Variants in MDGA2 observed in about 807,000 individuals in gnomAD.
MDGA2 encodes MAM domain containing glycosylphosphatidylinositol anchor 2.
A neutral mutation model predicts 117.8 loss-of-function variants in MDGA2; 40 were observed. That is an observed-to-expected ratio of 0.34 (90% CI 0.26 to 0.44). MDGA2 has a LOEUF of 0.44. Among genes scored for constraint, MDGA2 ranks in the 20% least tolerant of loss-of-function variants. The probability of loss-of-function intolerance (pLI) is 1.00; values close to 1 mark genes in which losing one functional copy is unlikely to be tolerated. For missense variants in MDGA2, 1,123 were observed against 1,250.6 expected, an observed-to-expected ratio of 0.90 and a Z score of 1.54; for synonymous variants, 452 against 439.0, an observed-to-expected ratio of 1.03 and a Z score of -0.37.
intron 9 of MDGA2, among the ~76,000 whole-genome samples, chr14:46,921,653 C>T (rs184233176): frequency 6.6e-6 from 1 of 151,416 alleles, no homozygotes; most frequent in Non-Finnish European, 1.5e-5. Context: ...AGAAAAGTCT[C>T]AAATGAGAGG....
rs534555143 is a variant in MDGA2 at position 47,413,782 on chromosome 14, T to C, written c.281-112232A>G. Among the ~76,000 whole-genome samples, 74 of 151,830 alleles carry C rather than the reference T, an allele frequency of 4.9e-4. No homozygotes were observed. The South Asian group carries it at 0.014, about 29-fold the overall frequency. On this transcript the variant is annotated intron_variant, in intron 1 of 16. Coordinates refer to ENST00000399232, the MANE Select transcript of MDGA2 (RefSeq NM_001113498.3). ...ACCAAGTGACATGTTCTATATACAA[T>C]GAAACATAAATTACAAAAGGACGTT...
At chr14:47,474,317 C>T (rs529787440) in intron 1 of MDGA2, among the ~76,000 whole-genome samples, 2 of 152,156 alleles carry the variant, frequency 1.3e-5, no homozygotes, top group African/African-American at 4.8e-5. Context: ...AACCACTTCT[C>T]AAGGAAATCA....
intron 8 of MDGA2, among the ~76,000 whole-genome samples, chr14:47,025,850 A>G (rs1382777045): frequency 2.0e-5 from 3 of 152,158 alleles, no homozygotes; most frequent in African/African-American, 7.2e-5. Context: ...TTCAATTAAA[A>G]CATGTTTTTA....
intron 1 of MDGA2, among the ~76,000 whole-genome samples, chr14:47,381,978 T>TAGCCAAAAC (rs1555377846): frequency 1.3e-5 from 2 of 150,242 alleles, no homozygotes; most frequent in African/African-American, 4.9e-5. Flanking sequence ...AAGGCTACAG[T>TAGCCAAAAC]AGCATGGTAC....
intron 1 of MDGA2, among the ~76,000 whole-genome samples, chr14:47,540,540 GTA>G (rs1555330658): frequency 1.4e-3 from 109 of 79,134 alleles, no homozygotes; most frequent in African/African-American, 2.4e-3. Context: ...GTGTGTGTGT[GTA>G]TATATATATA....
At chr14:47,578,223 G>A (rs1896152151) in intron 1 of MDGA2, among the ~76,000 whole-genome samples, 1 of 151,932 alleles carries the variant, frequency 6.6e-6, no homozygotes, top group Non-Finnish European at 1.5e-5. Context: ...TGGACACAGA[G>A]AGGGGAACAA....
chr14:46,925,100 TTA>T (rs1391685222), intron 9 of MDGA2, among the ~76,000 whole-genome samples: 1 of 152,182 alleles, frequency 6.6e-6, no homozygotes. Flanking sequence ...ACAAAAATAT[TTA>T]TGTTACCATA....
intron 6 of MDGA2, among the ~76,000 whole-genome samples, chr14:47,082,687 A>G (rs1031385044): frequency 4.6e-5 from 7 of 152,066 alleles, no homozygotes; most frequent in African/African-American, 1.7e-4. Flanking sequence ...GGCAGTCAGT[A>G]AAAAATAAGA....
chr14:46,931,304 C>A (rs1451378651), intron 9 of MDGA2, among the ~76,000 whole-genome samples: 1 of 150,134 alleles, frequency 6.7e-6, no homozygotes, highest in East Asian at 2.0e-4. Flanking sequence ...CAGGTACTTA[C>A]TTCTTACAGA....
intron 1 of MDGA2, among the ~76,000 whole-genome samples, chr14:47,563,576 C>CTTTTTTT (rs1650344812): frequency 4.4e-5 from 1 of 22,492 alleles, no homozygotes; most frequent in Non-Finnish European, 9.0e-5. Flanking sequence ...CTGCTTTTTT[C>CTTTTTTT]TGTTTTTTTT....
intron 1 of MDGA2, among the ~76,000 whole-genome samples, chr14:47,660,353 T>C (rs905093528): frequency 2.0e-5 from 3 of 152,154 alleles, no homozygotes; most frequent in Admixed American, 6.5e-5. Flanking sequence ...AATCACACAA[T>C]AGTCACAATG....
At chr14:47,475,287 C>A (rs556019323) in intron 1 of MDGA2, among the ~76,000 whole-genome samples, 4 of 152,192 alleles carry the variant, frequency 2.6e-5, no homozygotes, top group Admixed American at 6.5e-5. Flanking sequence ...CCATCTTGTG[C>A]CAGTTAGAAT....
chr14:46,858,471 A>G (rs565805194), intron 14 of MDGA2, among the ~76,000 whole-genome samples: 5 of 129,102 alleles, frequency 3.9e-5, no homozygotes, highest in African/African-American at 1.5e-4. Context: ...TCTGTCTCCC[A>G]GGCTGAAGTG....
chr14:47,615,204 C>G (rs964671497), intron 1 of MDGA2, among the ~76,000 whole-genome samples: 1 of 151,952 alleles, frequency 6.6e-6, no homozygotes, highest in East Asian at 1.9e-4. Context: ...ACCTCCTGAG[C>G]AACAGATGTT....
intron 6 of MDGA2, among the ~76,000 whole-genome samples, chr14:47,076,961 A>G (rs1890519100): frequency 6.6e-6 from 1 of 152,126 alleles, no homozygotes; most frequent in African/African-American, 2.4e-5. Flanking sequence ...CCATTTTTTA[A>G]TAAGATAATC....
chr14:47,010,358 T>C (rs528849588), intron 8 of MDGA2, among the ~76,000 whole-genome samples: 12 of 150,848 alleles, frequency 8.0e-5, no homozygotes, highest in Non-Finnish European at 1.5e-4. Context: ...AAAATAGATA[T>C]AAAAAAATAA....
chr14:46,978,001 C>G (rs2138365521), intron 8 of MDGA2, among the ~76,000 whole-genome samples: 1 of 151,890 alleles, frequency 6.6e-6, no homozygotes, highest in East Asian at 1.9e-4. Context: ...TTGCTTATGG[C>G]TTAACAGTTT....
intron 3 of MDGA2, among the ~76,000 whole-genome samples, chr14:47,202,472 C>A (rs184845337): frequency 6.6e-6 from 1 of 152,230 alleles, no homozygotes; most frequent in Admixed American, 6.5e-5. Context: ...ATGTGAAGGT[C>A]ACAATGGCTG....
At chr14:47,247,936 T>C (rs1193081502) in intron 2 of MDGA2, among the ~76,000 whole-genome samples, 1 of 151,476 alleles carries the variant, frequency 6.6e-6, no homozygotes, top group East Asian at 1.9e-4. Context: ...AGAATGATGG[T>C]TTCCAGCTTC....
Sources: allele counts gnomAD v4.1 joint callset (sites outside exome capture counted in the v4.1 genomes callset), GRCh38; gene constraint gnomAD v4.1.1; transcripts MANE v1.5; gene names NCBI Gene and HGNC (gene_info 2026-07-23, HGNC 2026-07-21).